Variants in GNAQ observed in about 807,000 individuals in gnomAD.
GNAQ encodes guanine nucleotide-binding protein G(q) subunit alpha.
GNAQ carries 8 observed loss-of-function variants against 43.9 expected under a neutral mutation model. The ratio of observed to expected loss-of-function variants is 0.18; its 90% CI spans 0.11 to 0.33. The LOEUF (loss-of-function observed/expected upper bound fraction) is 0.33, where lower values mean the gene tolerates loss of function less well. GNAQ is among the 10% of genes least tolerant of loss of function. GNAQ has a pLI of 1.00. For missense variants in GNAQ, 158 were observed against 450.8 expected (o/e 0.35, Z 5.88); for synonymous variants, 155 against 170.7 (o/e 0.91, Z 0.71).
At chr9:77,832,410 G>A (rs141869343) in intron 2 of GNAQ, among the ~76,000 whole-genome samples, 1 of 152,298 alleles carries the variant, frequency 6.6e-6, no homozygotes, top group East Asian at 1.9e-4. Context: ...CTACACTACA[G>A]GGTGGGAACA....
intron 5 of GNAQ, among the ~76,000 whole-genome samples, chr9:77,737,783 T>A (rs1467344967): frequency 6.6e-6 from 1 of 152,200 alleles, no homozygotes; most frequent in African/African-American, 2.4e-5. Flanking sequence ...AATGGACCCA[T>A]TAGCACTGTG....
intron 2 of GNAQ, among the ~76,000 whole-genome samples, chr9:77,834,928 T>C (rs1167616143): frequency 6.6e-6 from 1 of 152,240 alleles, no homozygotes; most frequent in Non-Finnish European, 1.5e-5. Context: ...GTCACCATAC[T>C]GGTTGAGTTT....
chr9:77,970,798 C>A (rs1564166464), intron 1 of GNAQ, among the ~76,000 whole-genome samples: 1 of 151,832 alleles, frequency 6.6e-6, no homozygotes, highest in Non-Finnish European at 1.5e-5. Flanking sequence ...CAGAGCAGAA[C>A]TGAAGGAGAT....
At chr9:77,956,100 T>C (rs1251863674) in intron 1 of GNAQ, among the ~76,000 whole-genome samples, 1 of 152,254 alleles carries the variant, frequency 6.6e-6, no homozygotes, top group East Asian at 1.9e-4. Context: ...CAATAATATG[T>C]GTACTGAGCA....
In GNAQ at chr9:77,783,905, A is replaced by T. The variant is rs184314398; in HGVS notation, c.735+10558T>A. 1.1e-4 allele frequency among the ~76,000 whole-genome samples: 17 copies of T among 152,324 alleles called. 1 individual carries two copies. Among genetic ancestry groups the T allele is most frequent in the Admixed American group, 2.6e-4 (4 of 15,302 alleles). On this transcript the variant is annotated intron_variant, in intron 5 of 6. Coordinates refer to ENST00000286548, the MANE Select transcript of GNAQ (RefSeq NM_002072.5). Reference sequence around the variant, plus strand: ...AACATAGCAAGACCCTGTCTCTTAAAAAAAATTCTTGATGACAAAAGGAAT... The same window carrying T: ...AACATAGCAAGACCCTGTCTCTTAATAAAAATTCTTGATGACAAAAGGAAT...
chr9:78,026,528 G>A (rs1269616615), intron 1 of GNAQ, among the ~76,000 whole-genome samples: 1 of 152,170 alleles, frequency 6.6e-6, no homozygotes, highest in Non-Finnish European at 1.5e-5. Context: ...CCTTAAAGCA[G>A]TCTCATAAAC....
chr9:77,921,193 G>A lies in GNAQ; in HGVS notation c.321+968C>T, dbSNP rs78766196. ...CCTGAGGAGCAAAGACTGCATCCAT[G>A]GGGGATGTATTGATTAACGGGAAGG... On this transcript the variant is annotated intron_variant, in intron 2 of 6. Coordinates refer to ENST00000286548, the MANE Select transcript of GNAQ (RefSeq NM_002072.5). Among the ~76,000 whole-genome samples the A allele has an allele frequency of 7.7e-3, 1,171 of 152,328 alleles. 14 individuals carry two copies. Among genetic ancestry groups the A allele is most frequent in the African/African-American group, 0.026 (1,080 of 41,572 alleles).
At chr9:77,749,065 T>C (rs2118285629) in intron 5 of GNAQ, among the ~76,000 whole-genome samples, 1 of 152,330 alleles carries the variant, frequency 6.6e-6, no homozygotes, top group Non-Finnish European at 1.5e-5. Flanking sequence ...GCTTTGGCTC[T>C]AGACCTACCT....
chr9:77,751,490 G>A (rs1825809597), intron 5 of GNAQ, among the ~76,000 whole-genome samples: 3 of 152,160 alleles, frequency 2.0e-5, no homozygotes, highest in Admixed American at 6.5e-5. Flanking sequence ...TAAGATAGTT[G>A]AGTGTACTTC....
chr9:77,813,162 C>T (rs1354698130), intron 3 of GNAQ, among the ~76,000 whole-genome samples: 1 of 152,162 alleles, frequency 6.6e-6, no homozygotes, highest in Non-Finnish European at 1.5e-5. Context: ...AAGTGATCCA[C>T]CCACCTCAGC....
Position 77,718,173 on chromosome 9 carries a change from C to G in GNAQ, c.*3150G>C, listed in dbSNP as rs1424388427. The G allele has an allele frequency of 4.3e-6, 1 of 232,650 alleles. No homozygotes were observed. Among genetic ancestry groups the G allele is most frequent in the African/African-American group, 2.2e-5 (1 of 45,282 alleles). 14.4% of individuals were successfully genotyped at this position (232,650 alleles called of 1,614,324 possible). A position where few individuals can be genotyped will look rare whatever the true frequency, so the allele number is the denominator to read the frequency against. On this transcript the variant is annotated 3_prime_UTR_variant, in exon 7 of 7. Transcript: ENST00000286548. The stretch of plus-strand genomic sequence containing the variant: ...TTTTTGTTTTTGAATAAGACATGCC[C>G]AAGTCACCATAAAACTCACCACAGG...
chr9:77,787,391 G>A (rs947223888), intron 5 of GNAQ, among the ~76,000 whole-genome samples: 4 of 152,160 alleles, frequency 2.6e-5, no homozygotes, highest in Non-Finnish European at 5.9e-5. Flanking sequence ...TTGCTTTTGT[G>A]ATAAACCACT....
intron 5 of GNAQ, among the ~76,000 whole-genome samples, chr9:77,745,875 G>A (rs1395604361): frequency 9.2e-5 from 14 of 152,018 alleles, no homozygotes; most frequent in Non-Finnish European, 1.2e-4. Context: ...AGCATTTCTT[G>A]GAATCAAATC....
chr9:77,882,727 A>G (rs1452932821), intron 2 of GNAQ, among the ~76,000 whole-genome samples: 1 of 152,252 alleles, frequency 6.6e-6, no homozygotes, highest in Admixed American at 6.5e-5. Context: ...ATACTATTTT[A>G]GAAGTATTCA....
At chr9:77,857,783 CTT>C (rs113349596) in intron 2 of GNAQ, among the ~76,000 whole-genome samples, 4 of 144,480 alleles carry the variant, frequency 2.8e-5, no homozygotes, top group Non-Finnish European at 6.1e-5. Context: ...CTTTTATACT[CTT>C]TTTTTTTTCA....
intron 2 of GNAQ, among the ~76,000 whole-genome samples, chr9:77,868,743 C>T (rs1037787243): frequency 1.5e-4 from 23 of 152,076 alleles, no homozygotes; most frequent in South Asian, 4.1e-4. Context: ...TGCGGTGAGC[C>T]GAGATCGGGC....
chr9:77,794,577 C>G lies in GNAQ; in HGVS notation c.621G>C (p.Gly207=), dbSNP rs371519995. The G allele has an allele frequency of 4.4e-6, 7 of 1,604,714 alleles. No homozygotes were observed. The highest frequency in any genetic ancestry group is 6.0e-6 in the Non-Finnish European group (7 of 1,173,020). The change falls in exon 5 of 7, where the codon GGG becomes GGC. Residue 207 remains glycine (G), a synonymous_variant. Transcript: ENST00000286548. ...ATTTTCTTCTCTCTGACCTTTGGCC[C>G]CCTACATCGACCATTCTGCAAGGTT... ...QSVIFRMVDV[G]GQRSERRKWI... is the part of the protein sequence containing the mutation.
intron 1 of GNAQ, among the ~76,000 whole-genome samples, chr9:77,931,578 G>T (rs963122126): frequency 2.0e-5 from 3 of 151,350 alleles, no homozygotes; most frequent in Non-Finnish European, 4.4e-5. Flanking sequence ...GTGACAGAGC[G>T]AGTGAGACTC....
intron 1 of GNAQ, among the ~76,000 whole-genome samples, chr9:78,011,510 A>G (rs995021570): frequency 6.6e-6 from 1 of 152,264 alleles, no homozygotes; most frequent in Non-Finnish European, 1.5e-5. Flanking sequence ...GCTTTGCACT[A>G]TATCAAGAAA....
Sources: gnomAD v4.1 joint callset for allele counts (sites outside exome capture counted in the v4.1 genomes callset) on GRCh38, gnomAD v4.1.1 for gene constraint, MANE v1.5 for transcripts, NCBI Gene and HGNC (gene_info 2026-07-23, HGNC 2026-07-21) for gene names.